PARD3: variants seen among roughly 807,000 people sequenced by gnomAD.
PARD3 encodes the protein partitioning defective 3 homolog.
A neutral mutation model predicts 155.4 loss-of-function variants in PARD3; 75 were observed. The ratio of observed to expected loss-of-function variants is 0.48; its 90% CI spans 0.40 to 0.58. The LOEUF (loss-of-function observed/expected upper bound fraction) is 0.58, where lower values mean the gene tolerates loss of function less well. Among genes scored for constraint, PARD3 ranks in the 20% least tolerant of loss-of-function variants. The pLI is 0.00. For synonymous variants in PARD3, 576 were observed against 610.5 expected (o/e 0.94, Z 0.83); for missense variants, 1,642 against 1,721.7 (o/e 0.95, Z 0.82).
In PARD3 at chr10:34,462,483, T is replaced by C. The variant is rs113961110; in HGVS notation, c.582+7602A>G. Among the ~76,000 whole-genome samples, 841 of 151,586 alleles carry C rather than the reference T, an allele frequency of 5.5e-3. 8 individuals carry two copies. The highest frequency in any genetic ancestry group is 0.02 in the African/African-American group (799 of 40,844). On this transcript the variant is annotated intron_variant, in intron 4 of 24. Transcript: ENST00000374788. ...GTAATTTAGAAATAAAATAGTGTTTTCAAATTTACTAATATGACAGTTGGC... is the reference window on the plus strand; with the variant it reads ...GTAATTTAGAAATAAAATAGTGTTTCCAAATTTACTAATATGACAGTTGGC...
At chr10:34,735,419 C>T (rs569048126) in intron 1 of PARD3, among the ~76,000 whole-genome samples, 1 of 152,156 alleles carries the variant, frequency 6.6e-6, no homozygotes, top group Non-Finnish European at 1.5e-5. Context: ...CAGGACTTCT[C>T]ACTAGCTGCA....
At chr10:34,501,000 ATAAC>A (rs1486189694) in intron 3 of PARD3, among the ~76,000 whole-genome samples, 3 of 152,242 alleles carry the variant, frequency 2.0e-5, no homozygotes, top group African/African-American at 7.2e-5. Flanking sequence ...AGAGTTAAAA[ATAAC>A]TAATTTGTTA....
At position 34,558,671 on chromosome 10, in the gene PARD3, C is replaced by A. The variant is rs539705504; in HGVS notation, c.223-41512G>T. On this transcript the variant is annotated intron_variant, in intron 2 of 24. Transcript: ENST00000374788. ...GCCGGCCTGGTGCGGTGGCTCATGC[C>A]TCTAATCCCAGCACTTTGGGAGGCT... is the stretch of plus-strand genomic sequence containing the variant. 1.3e-3 allele frequency among the ~76,000 whole-genome samples: 202 copies of A among 152,282 alleles called. 1 individual carries two copies. The highest frequency in any genetic ancestry group is 4.5e-3 in the African/African-American group (187 of 41,546).
chr10:34,616,915 A>G (rs1202269655), intron 2 of PARD3, among the ~76,000 whole-genome samples: 1 of 149,498 alleles, frequency 6.7e-6, no homozygotes, highest in Non-Finnish European at 1.5e-5. Context: ...AGCTTGGGCA[A>G]CAGAGCACCT....
intron 2 of PARD3, among the ~76,000 whole-genome samples, chr10:34,607,310 T>TA (rs1211884444): frequency 2.0e-5 from 3 of 152,172 alleles, no homozygotes; most frequent in Non-Finnish European, 2.9e-5. Context: ...ACAAATATGC[T>TA]AAAAAATGCA....
At chr10:34,484,512 T>C (rs1172040225) in intron 3 of PARD3, among the ~76,000 whole-genome samples, 2 of 152,146 alleles carry the variant, frequency 1.3e-5, no homozygotes, top group Non-Finnish European at 2.9e-5. Flanking sequence ...TCAACTAACA[T>C]AGTTTTTGTT....
At chr10:34,120,522 G>C (rs1946938616) in intron 23 of PARD3, among the ~76,000 whole-genome samples, 1 of 152,050 alleles carries the variant, frequency 6.6e-6, no homozygotes, top group Admixed American at 6.6e-5. Flanking sequence ...ATGAATTTTG[G>C]GGGGTAGGTA....
intron 4 of PARD3, among the ~76,000 whole-genome samples, chr10:34,466,123 C>A (rs1023810122): frequency 4.6e-5 from 7 of 152,194 alleles, no homozygotes; most frequent in African/African-American, 1.7e-4. Context: ...TAGTCAGCCA[C>A]AAAATACTGG....
chr10:34,216,744 A>C (rs1445366667), intron 22 of PARD3, among the ~76,000 whole-genome samples: 3 of 152,192 alleles, frequency 2.0e-5, no homozygotes, highest in African/African-American at 7.2e-5. Flanking sequence ...AGCTGCTTTA[A>C]ATGTTTTATA....
At chr10:34,722,691 A>G (rs79713263) in intron 1 of PARD3, among the ~76,000 whole-genome samples, 2,277 of 152,344 alleles carry the variant, frequency 0.015, 60 homozygotes, top group African/African-American at 0.05. Context: ...CATCTCAAAA[A>G]CATTTAACTT....
At chr10:34,743,032 T>G (rs1215730770) in intron 1 of PARD3, among the ~76,000 whole-genome samples, 1 of 152,262 alleles carries the variant, frequency 6.6e-6, no homozygotes, top group Non-Finnish European at 1.5e-5. Context: ...TCTAATTCAT[T>G]GGATTATAAA....
intron 1 of PARD3, among the ~76,000 whole-genome samples, chr10:34,750,067 ACAC>A (rs1835800803): frequency 7.2e-6 from 1 of 138,844 alleles, no homozygotes; most frequent in Non-Finnish European, 1.6e-5. Flanking sequence ...ACACACACAC[ACAC>A]AAAACCCGCA....
chr10:34,523,691 A>G (rs2082296646), intron 2 of PARD3, among the ~76,000 whole-genome samples: 1 of 152,212 alleles, frequency 6.6e-6, no homozygotes, highest in South Asian at 2.1e-4. Context: ...AAGAGAATAG[A>G]AAGAAAATTC....
intron 22 of PARD3, among the ~76,000 whole-genome samples, chr10:34,202,950 T>C (rs1012196233): frequency 5.9e-5 from 9 of 152,234 alleles, no homozygotes; most frequent in African/African-American, 2.2e-4. Flanking sequence ...GCAGCCACAA[T>C]GTCTGGCATC....
intron 1 of PARD3, among the ~76,000 whole-genome samples, chr10:34,760,198 AGCG>A (rs200525347): frequency 0.029 from 3,608 of 124,620 alleles, 148 homozygotes; most frequent in African/African-American, 0.097. Context: ...GGGACAGCGC[AGCG>A]GTGTAGAAAC....
rs1281374953 is a variant in PARD3, at chr10:34,460,959, A to G, written c.582+9126T>C. Among the ~76,000 whole-genome samples the G allele has an allele frequency of 3.3e-5, 5 of 152,264 alleles. No individual in the cohort carries two copies. The East Asian group carries it at 9.6e-4, about 29-fold the overall frequency. On this transcript the variant is annotated intron_variant, in intron 4 of 24. Coordinates refer to ENST00000374788, the MANE Select transcript of PARD3 (RefSeq NM_001184785.2). ...CATGGCATAATGCCTAGGAATAGCA[A>G]GTATTCAAAAACAACTTTGTTATCA...
At chr10:34,681,124 A>G (rs970676378) in intron 2 of PARD3, among the ~76,000 whole-genome samples, 4 of 152,324 alleles carry the variant, frequency 2.6e-5, no homozygotes, top group Middle Eastern at 6.8e-3. Context: ...GTGTGGTCCC[A>G]GTCTCCATGA....
At chr10:34,183,400 GA>G (rs1272588752) in intron 22 of PARD3, among the ~76,000 whole-genome samples, 1 of 152,176 alleles carries the variant, frequency 6.6e-6, no homozygotes, top group East Asian at 1.9e-4. Flanking sequence ...AGGACTTCTT[GA>G]TAAGGGTTTT....
chr10:34,754,231 C>G (rs954064421), intron 1 of PARD3, among the ~76,000 whole-genome samples: 6 of 152,282 alleles, frequency 3.9e-5, no homozygotes, highest in Admixed American at 3.3e-4. Context: ...GATTTGAACT[C>G]CTGGCCTCAA....
Sources: gnomAD v4.1 joint callset for allele counts (sites outside exome capture counted in the v4.1 genomes callset) on GRCh38, gnomAD v4.1.1 for gene constraint, MANE v1.5 for transcripts, NCBI Gene and HGNC (gene_info 2026-07-23, HGNC 2026-07-21) for gene names.